PTGES3L: variants seen among roughly 807,000 people sequenced by gnomAD.
The protein encoded by PTGES3L is putative protein PTGES3L.
In PTGES3L, 17 loss-of-function variants were observed where a neutral mutation model predicts 25.0. The observed-to-expected ratio is 0.68, with a 90% confidence interval of 0.47 to 1.02. The LOEUF is 1.02. Among genes scored for constraint, PTGES3L ranks in the 50% least tolerant of loss-of-function variants. The probability of loss-of-function intolerance (pLI) is 0.00; values close to 1 mark genes in which losing one functional copy is unlikely to be tolerated. For synonymous variants in PTGES3L, 59 were observed against 65.7 expected, an observed-to-expected ratio of 0.90 and a Z score of 0.50; for missense variants, 202 against 197.5, an observed-to-expected ratio of 1.02 and a Z score of -0.14.
Position 42,969,199 on chromosome 17 carries a change from G to GTT in PTGES3L, c.433-14_433-13insAA. 7.2e-7 allele frequency: 1 copy of GTT among 1,390,074 alleles called. No homozygotes were observed. The highest frequency in any genetic ancestry group is 9.8e-7 in the Non-Finnish European group (1 of 1,017,390). 86.1% of individuals were successfully genotyped at this position (1,390,074 alleles called of 1,614,324 possible). A position where few individuals can be genotyped will look rare whatever the true frequency, so the allele number is the denominator to read the frequency against. On this transcript the variant is annotated splice_polypyrimidine_tract_variant and intron_variant, in intron 6 of 6. Coordinates refer to ENST00000591916, the MANE Select transcript of PTGES3L (RefSeq NM_001261430.2). ...TGTCAGAATCATCCTGGGGGCGGGG[G>GTT]GGAAAAAAGACAAAGCACCTGTAGA...
At chr17:42,979,522 C>G (rs2050033944) in intron 2 of PTGES3L, 28 bp downstream of exon 2, 1 of 1,614,020 alleles carries the variant, frequency 6.2e-7, no homozygotes, top group Non-Finnish European at 8.5e-7. Context: ...TCCTGGGAAG[C>G]CAGGCCCTCG....
intron 6 of PTGES3L, 82 bp downstream of exon 6, chr17:42,970,207 G>C (rs547418424): frequency 2.6e-6 from 4 of 1,545,770 alleles, no homozygotes; most frequent in Non-Finnish European, 3.6e-6. Flanking sequence ...CTGTGTGCTA[G>C]GAACTGGGAT....
At position 42,979,243 on chromosome 17, in the gene PTGES3L, C is replaced by A. The variant is rs767118245; in HGVS notation, c.215G>T (p.Arg72Leu). The A allele has an allele frequency of 3.1e-6, 5 of 1,614,042 alleles. No individual in the cohort carries two copies. Among genetic ancestry groups the A allele is most frequent in the Non-Finnish European group, 4.2e-6 (5 of 1,180,002 alleles). ...TTTTCTCACAAAACAAGTAATAGAG[C>A]GGGAAGAGCGCTTATCCTGGGAGTC... ...SKDSQDKRSSRSITCFVRKWK... is the reference protein window; with the variant it reads ...SKDSQDKRSSLSITCFVRKWK... The change falls in exon 4 of 7, where the codon CGC (arginine) becomes CTC (leucine). Residue 72 changes from arginine to leucine, a missense_variant. Arg to Leu is a moderately radical substitution (Grantham distance 102). Transcript: ENST00000591916.
chr17:42,970,803 G>T (rs2151947439), intron 5 of PTGES3L, among the ~76,000 whole-genome samples: 1 of 151,450 alleles, frequency 6.6e-6, no homozygotes, highest in African/African-American at 2.4e-5. Flanking sequence ...AGGAGTTCCA[G>T]ACCAGCCTGG....
In PTGES3L at chr17:42,979,171, T is replaced by C. The variant is rs2050023459; in HGVS notation, c.287A>G (p.Lys96Arg). 6.2e-7 allele frequency: 1 copy of C among 1,614,070 alleles called. No individual in the cohort carries two copies. Among genetic ancestry groups the C allele is most frequent in the South Asian group, 1.1e-5 (1 of 91,092 alleles). The change falls in exon 4 of 7, where the codon AAG becomes AGG. Residue 96 changes from lysine (K) to arginine (R), a missense_variant and splice_region_variant. Physicochemically the swap from Lys to Arg is conservative, Grantham distance 26. Transcript: ENST00000591916. ...GCAGGCCACTTTCCACACACCCACC[T>C]TGATATCCTCCTTGGTAAGCCGCGG... The part of the protein sequence containing the change: ...AWPRLTKEDI[K>R]PVWLSVDFDN...
At chr17:42,972,073 A>C (rs2049847823) in intron 4 of PTGES3L, 1 of 210,964 alleles carries the variant, frequency 4.7e-6, no homozygotes. Context: ...CTGTAGTCCC[A>C]GCTACTCGGG....
At position 42,979,361 on chromosome 17, in the gene PTGES3L, T is replaced by C. The variant is rs1314634819; in HGVS notation, c.189+17A>G. On this transcript the variant is annotated intron_variant, in intron 3 of 6. Coordinates refer to ENST00000591916, the MANE Select transcript of PTGES3L (RefSeq NM_001261430.2). ...CCCGGTTTCCATCCAAACCTTACTGTCCCATTTCACCCTTACCTTGGAGTT... is the reference window on the plus strand; with the variant it reads ...CCCGGTTTCCATCCAAACCTTACTGCCCCATTTCACCCTTACCTTGGAGTT... The C allele has an allele frequency of 6.2e-7, 1 of 1,614,008 alleles. No individual in the cohort carries two copies. Among genetic ancestry groups the C allele is most frequent in the Non-Finnish European group, 8.5e-7 (1 of 1,180,020 alleles).
rs370125717 is a variant in PTGES3L, at chr17:42,979,375, T to C, written c.189+3A>G. ...AAACCTTACTGTCCCATTTCACCCT[T>C]ACCTTGGAGTTCACTTTGGCATAGA... On this transcript the variant is annotated splice_donor_region_variant and intron_variant, in intron 3 of 6. Transcript: ENST00000591916. The C allele has an allele frequency of 5.3e-5, 86 of 1,614,170 alleles. No homozygotes were observed. In the African/African-American group the frequency reaches 1.1e-3, roughly 20 times the overall value.
At chr17:42,969,771 CAG>C (rs1356576632) in intron 6 of PTGES3L, among the ~76,000 whole-genome samples, 7 of 151,924 alleles carry the variant, frequency 4.6e-5, no homozygotes, top group Admixed American at 2.0e-4. Flanking sequence ...GATGGAGAAA[CAG>C]AGGGGTAGAT....
chr17:42,980,011 G>A (rs1286678946), intron 1 of PTGES3L, 35 bp downstream of exon 1: 5 of 1,537,748 alleles, frequency 3.3e-6, no homozygotes, highest in Middle Eastern at 2.1e-4. Context: ...CCAGGGAAAA[G>A]GGCCAGGGGG....
At chr17:42,978,739 G>A (rs918880572) in intron 4 of PTGES3L, among the ~76,000 whole-genome samples, 1 of 152,090 alleles carries the variant, frequency 6.6e-6, no homozygotes, top group Non-Finnish European at 1.5e-5. Context: ...GGTGGCTCAC[G>A]CCTGTAATCC....
At chr17:42,973,141 G>A (rs1452519526) in intron 4 of PTGES3L, among the ~76,000 whole-genome samples, 1 of 149,364 alleles carries the variant, frequency 6.7e-6, no homozygotes, top group Non-Finnish European at 1.5e-5. Flanking sequence ...ACCCCATCTG[G>A]GAAGTGAGGA....
intron 4 of PTGES3L, among the ~76,000 whole-genome samples, chr17:42,973,676 G>A (rs1462367870): frequency 3.4e-5 from 5 of 148,890 alleles, no homozygotes; most frequent in African/African-American, 9.8e-5. Context: ...TTGGGATCCT[G>A]TTGATCTGTG....
intron 6 of PTGES3L, among the ~76,000 whole-genome samples, chr17:42,969,456 G>A (rs1048147681): frequency 1.5e-4 from 19 of 129,980 alleles, no homozygotes; most frequent in African/African-American, 4.5e-4. Flanking sequence ...TCACCCAGCT[G>A]CAGTGCAGTG....
At chr17:42,978,158 G>A (rs1218739905) in intron 4 of PTGES3L, among the ~76,000 whole-genome samples, 14 of 149,184 alleles carry the variant, frequency 9.4e-5, no homozygotes, top group African/African-American at 2.7e-4. Context: ...TGTAATCCTA[G>A]CAGTTTGGGA....
At chr17:42,973,227 G>T (rs1403328806) in intron 4 of PTGES3L, among the ~76,000 whole-genome samples, 1 of 146,358 alleles carries the variant, frequency 6.8e-6, no homozygotes, top group African/African-American at 2.5e-5. Flanking sequence ...CAGCCGCCCC[G>T]TCCGGGAGGG....
intron 4 of PTGES3L, chr17:42,971,908 G>A (rs771767000): frequency 5.2e-5 from 27 of 518,588 alleles, no homozygotes; most frequent in African/African-American, 3.3e-4. Flanking sequence ...CCTACCCTCC[G>A]GCCAGGCGTG....
chr17:42,974,361 GAAAAAAA>G (rs552661431), intron 4 of PTGES3L, among the ~76,000 whole-genome samples: 1 of 101,190 alleles, frequency 9.9e-6, no homozygotes, highest in African/African-American at 3.7e-5. Flanking sequence ...ACTCTGTCTC[GAAAAAAA>G]AAAAAAAAAA....
intron 4 of PTGES3L, among the ~76,000 whole-genome samples, chr17:42,974,361 GAA>G (rs552661431): frequency 2.2e-4 from 22 of 101,166 alleles, no homozygotes; most frequent in South Asian, 3.2e-4. Context: ...ACTCTGTCTC[GAA>G]AAAAAAAAAA....
Sources: allele counts gnomAD v4.1 joint callset (sites outside exome capture counted in the v4.1 genomes callset), GRCh38; gene constraint gnomAD v4.1.1; transcripts MANE v1.5; gene names NCBI Gene and HGNC (gene_info 2026-07-23, HGNC 2026-07-21).